The following RPL3 variants were observed in gnomAD, a reference collection of about 807,000 sequenced individuals.
RPL3 encodes the protein large ribosomal subunit protein uL3.
In RPL3, 3 loss-of-function variants were observed where a neutral mutation model predicts 46.0. The observed-to-expected ratio is 0.07, with a 90% CI of 0.03 to 0.17. RPL3 has a LOEUF of 0.17. Ranked by LOEUF, RPL3 falls within the 10% of genes least tolerant of loss-of-function variation. The probability of loss-of-function intolerance (pLI) is 1.00; values close to 1 mark genes in which losing one functional copy is unlikely to be tolerated. For missense variants in RPL3, 387 were observed against 532.7 expected (o/e 0.73, Z 2.69); for synonymous variants, 224 against 190.8 (o/e 1.17, Z -1.43).
chr22:39,313,347 G>A (rs760516214), intron 8 of RPL3, 37 bp from the exon 9 acceptor site: 24 of 1,612,942 alleles, frequency 1.5e-5, no homozygotes, highest in Non-Finnish European at 1.9e-5. Context: ...AGGATTACGA[G>A]GAGCCAGGCT....
Position 39,313,180 on chromosome 22 carries a change from G to C in RPL3, c.1167+11C>G. ...CCACACCCAGCGAGGGGGGCAGGCAGAGGTGCTCACCATGAATGCTTTCTT... is the reference window on the plus strand; with the variant it reads ...CCACACCCAGCGAGGGGGGCAGGCACAGGTGCTCACCATGAATGCTTTCTT... On this transcript the variant is annotated intron_variant, in intron 9 of 9. Coordinates refer to ENST00000216146, the MANE Select transcript of RPL3 (RefSeq NM_000967.4). The C allele has an allele frequency of 6.2e-7, 1 of 1,607,158 alleles. No homozygotes were observed. Among genetic ancestry groups the C allele is most frequent in the Non-Finnish European group, 8.5e-7 (1 of 1,176,856 alleles).
chr22:39,316,781 G>C lies in RPL3; in HGVS notation c.426C>G (p.Gly142=), dbSNP rs773047667. ...TGAAGTCCTTCTCCAGCTGCTTCTT[G>C]CCATCCTCATCCTGCCATTTCTTGC... The part of the protein sequence containing the change: ...KYCKKWQDED[G]KKQLEKDFSS... Residue 142 remains glycine, a synonymous_variant, in exon 4 of 10, where the codon GGC becomes GGG. Transcript: ENST00000216146. The C allele has an allele frequency of 1.9e-5, 31 of 1,613,824 alleles. No individual in the cohort carries two copies. The highest frequency in any genetic ancestry group is 2.5e-5 in the Non-Finnish European group (29 of 1,179,962).
chr22:39,319,547 C>T, intron 1 of RPL3, 48 bp downstream of exon 1: 1 of 1,558,288 alleles, frequency 6.4e-7, no homozygotes, highest in Non-Finnish European at 8.7e-7. Flanking sequence ...GCGGATTCAG[C>T]CGTGCCGACG....
chr22:39,314,878 G>A (rs745540633), intron 5 of RPL3, 32 bp from the exon 6 acceptor site: 13 of 1,599,734 alleles, frequency 8.1e-6, no homozygotes, highest in Middle Eastern at 1.8e-4. Flanking sequence ...TCACCTCAGC[G>A]CCCAGCACCT....
At chr22:39,317,175 G>T in intron 3 of RPL3, 1 of 570,358 alleles carries the variant, frequency 1.8e-6, no homozygotes, top group Non-Finnish European at 3.1e-6. Context: ...CCCCTATAGG[G>T]GTTTAATTAT....
At chr22:39,315,300 C>G (rs754776189) in intron 5 of RPL3, 69 bp downstream of exon 5, 1 of 1,602,142 alleles carries the variant, frequency 6.2e-7, no homozygotes, top group Admixed American at 1.7e-5. Flanking sequence ...GCCTCATCAA[C>G]GAACAGCTGG....
chr22:39,317,721 G>C (rs771232019), intron 2 of RPL3, 92 bp from the exon 3 acceptor site: 1 of 1,465,776 alleles, frequency 6.8e-7, no homozygotes, highest in Admixed American at 1.8e-5. Context: ...ATTTAGGCCG[G>C]AAGGGCAACT....
rs1189932542 is a variant in RPL3, at chr22:39,318,477, G to A, written c.119C>T (p.Pro40Leu). The change falls in exon 2 of 10, where the codon CCG (proline) becomes CTG (leucine). Residue 40 changes from proline (P) to leucine (L), a missense_variant. By Grantham distance (98) the Pro-to-Leu change is moderately conservative. Around this residue, in one of 5 missense-constraint regions of RPL3, gnomAD observed 196 missense variants for 217.5 expected, o/e 0.90. Transcript: ENST00000216146. ...TCCCAGGAAGGCTGTGAGGTGGACC[G>A]GCTTGGACGGGTCATCCTTAGGGAA... ...KSFPKDDPSK[P>L]VHLTAFLGYK... The A allele has an allele frequency of 1.9e-6, 3 of 1,613,932 alleles. No individual in the cohort carries two copies. The highest frequency in any genetic ancestry group is 1.3e-5 in the African/African-American group (1 of 74,896).
In RPL3 at chr22:39,313,684, G is replaced by A. The variant is rs1288317773; in HGVS notation, c.997C>T (p.Leu333=). 11 of 1,614,076 alleles carry A rather than the reference G, an allele frequency of 6.8e-6. No individual in the cohort carries two copies. Among genetic ancestry groups the A allele is most frequent in the Non-Finnish European group, 9.3e-6 (11 of 1,180,036 alleles). ...YGEVTNDFVM[L]KGCVVGTKKR... is the part of the protein sequence containing the mutation. ...TTGGTTCCCACCACACAGCCTTTCA[G>A]CATGACAAAGTCATTGGTCACTTCA... Residue 333 remains leucine, a synonymous_variant, in exon 8 of 10, where the codon CTG becomes TTG. Transcript: ENST00000216146.
rs1246303095 is a variant in RPL3 at position 39,316,762 on chromosome 22, C to A, written c.445G>T (p.Asp149Tyr). 1 of 1,613,644 alleles carries A rather than the reference C, an allele frequency of 6.2e-7. No individual in the cohort carries two copies. Among genetic ancestry groups the A allele is most frequent in the South Asian group, 1.1e-5 (1 of 91,052 alleles). The change falls in exon 4 of 10, where the codon GAC becomes TAC. Residue 149 changes from aspartate to tyrosine, a missense_variant. Physicochemically the swap from Asp to Tyr is radical, Grantham distance 160. Around this residue, in one of 5 missense-constraint regions of RPL3, gnomAD observed 196 missense variants for 217.5 expected, o/e 0.90. Transcript: ENST00000216146. ...DEDGKKQLEK[D>Y]FSSMKKYCQV... The stretch of plus-strand genomic sequence containing the variant: ...CAGTACTTCTTCATGCTGCTGAAGT[C>A]CTTCTCCAGCTGCTTCTTGCCATCC...
chr22:39,313,419 C>T, intron 8 of RPL3, 109 bp from the exon 9 acceptor site: 2 of 1,526,240 alleles, frequency 1.3e-6, no homozygotes, highest in Non-Finnish European at 1.8e-6. Flanking sequence ...TTCAGCCTCC[C>T]CCACCATCCG....
At chr22:39,318,062 G>A (rs1020292138) in intron 2 of RPL3, 8 of 358,010 alleles carry the variant, frequency 2.2e-5, no homozygotes, top group African/African-American at 1.3e-4. Flanking sequence ...GCTTTCAGGT[G>A]AAAAAAACAT....
chr22:39,318,070 C>A (rs79562279), intron 2 of RPL3: 5,749 of 364,766 alleles, frequency 0.016, 293 homozygotes, highest in African/African-American at 0.11. Flanking sequence ...GTGAAAAAAA[C>A]ATGAATGAGG....
chr22:39,317,207 T>C (rs1200092327), intron 3 of RPL3: 1 of 573,276 alleles, frequency 1.7e-6, no homozygotes, highest in South Asian at 2.2e-5. Flanking sequence ...TCCTGGTTTC[T>C]AGTTGGACTC....
At chr22:39,319,574 G>C (rs770040570) in intron 1 of RPL3, 21 bp downstream of exon 1, 9 of 1,564,972 alleles carry the variant, frequency 5.8e-6, no homozygotes, top group Non-Finnish European at 6.1e-6. Flanking sequence ...ACAATGAAAC[G>C]GCCGCCATTA....
intron 2 of RPL3, 135 bp downstream of exon 2, chr22:39,318,265 T>C (rs1922827371): frequency 2.5e-6 from 2 of 804,690 alleles, no homozygotes; most frequent in African/African-American, 3.5e-5. Context: ...CATTCTGCTG[T>C]CGCAGCAGTT....
chr22:39,319,215 G>A (rs556637166), intron 1 of RPL3: 8 of 530,572 alleles, frequency 1.5e-5, no homozygotes, highest in South Asian at 7.3e-5. Context: ...ACCTCCCAAT[G>A]AGAACGGCGC....
intron 4 of RPL3, among the ~76,000 whole-genome samples, chr22:39,316,350 CCA>C (rs1922690968): frequency 6.6e-6 from 1 of 152,178 alleles, no homozygotes; most frequent in Non-Finnish European, 1.5e-5. Context: ...GTGGCCCTCA[CCA>C]CATGGGGTTG....
intron 3 of RPL3, 49 bp from the exon 4 acceptor site, chr22:39,316,890 T>A (rs202200714): frequency 1.2e-6 from 2 of 1,613,038 alleles, no homozygotes; most frequent in East Asian, 4.5e-5. Flanking sequence ...CAGGCCTTCA[T>A]CACCCCTCCG....
Sources: allele counts gnomAD v4.1 joint callset (sites outside exome capture counted in the v4.1 genomes callset), GRCh38; gene constraint gnomAD v4.1.1; regional missense constraint gnomAD v4.1.1; transcripts MANE v1.5; gene names NCBI Gene and HGNC (gene_info 2026-07-23, HGNC 2026-07-21).